The following COL5A2 variants were observed in gnomAD, a reference collection of about 807,000 sequenced individuals.
The protein encoded by COL5A2 is collagen type V alpha 2 chain, also known as collagen alpha-2(V) chain.
A neutral mutation model predicts 208.2 loss-of-function variants in COL5A2; 23 were observed. The ratio of observed to expected loss-of-function variants is 0.11; its 90% CI spans 0.08 to 0.16. The LOEUF (loss-of-function observed/expected upper bound fraction) is 0.16, where lower values mean the gene tolerates loss of function less well. COL5A2 is among the 10% of genes least tolerant of loss of function. The pLI is 1.00. For synonymous variants in COL5A2, 625 were observed against 628.5 expected (o/e 0.99, Z 0.08); for missense variants, 1,590 against 1,956.4 (o/e 0.81, Z 3.53).
At chr2:189,137,194 T>C (rs1193663717) in intron 1 of COL5A2, among the ~76,000 whole-genome samples, 1 of 152,228 alleles carries the variant, frequency 6.6e-6, no homozygotes. Flanking sequence ...ATGTGATTTA[T>C]GGATCTTGAG....
the COL5A2 span, among the ~76,000 whole-genome samples, chr2:189,298,496 C>T: frequency 5.9e-5 from 9 of 152,212 alleles, no homozygotes; most frequent in South Asian, 8.3e-4. Context: ...GTAGGGTGGC[C>T]GAAGTCTGCT....
the COL5A2 span, among the ~76,000 whole-genome samples, chr2:189,231,503 G>C: frequency 2.0e-5 from 3 of 151,418 alleles, no homozygotes; most frequent in Non-Finnish European, 4.4e-5. Context: ...TTTTACACTG[G>C]GGAAAAAAAT....
At chr2:189,376,653 A>T in the COL5A2 span, among the ~76,000 whole-genome samples, 2 of 152,200 alleles carry the variant, frequency 1.3e-5, no homozygotes, top group Non-Finnish European at 2.9e-5. Flanking sequence ...AGGTTTGTAC[A>T]ATTTTGAATT....
At chr2:189,311,229 G>C in the COL5A2 span, 1 of 1,390,882 alleles carries the variant, frequency 7.2e-7, no homozygotes, top group Admixed American at 1.7e-5. Context: ...TTGGCCTCCT[G>C]CTCCCCAAAG....
the COL5A2 span, among the ~76,000 whole-genome samples, chr2:189,414,051 C>T: frequency 4.6e-5 from 7 of 152,232 alleles, no homozygotes; most frequent in South Asian, 1.5e-3. Flanking sequence ...CTCCACCACC[C>T]AAACTGCTGG....
At chr2:189,175,275 A>G (rs1282640550) in intron 1 of COL5A2, among the ~76,000 whole-genome samples, 1 of 152,076 alleles carries the variant, frequency 6.6e-6, no homozygotes, top group Non-Finnish European at 1.5e-5. Context: ...TGTTATGAAG[A>G]CTTTAAAGTC....
chr2:189,283,882 A>G, the COL5A2 span, among the ~76,000 whole-genome samples: 1 of 152,178 alleles, frequency 6.6e-6, no homozygotes. Context: ...TTCAAAAAAT[A>G]CCACATGAAT....
intron 50 of COL5A2, among the ~76,000 whole-genome samples, chr2:189,040,063 A>C (rs968744342): frequency 1.3e-5 from 2 of 152,218 alleles, no homozygotes; most frequent in Non-Finnish European, 2.9e-5. Flanking sequence ...TCCTACTTCT[A>C]AAAGAGAGGG....
At chr2:189,194,445 C>T (rs1688970359) in intron 1 of COL5A2, among the ~76,000 whole-genome samples, 1 of 152,194 alleles carries the variant, frequency 6.6e-6, no homozygotes, top group African/African-American at 2.4e-5. Context: ...ATACATTTTA[C>T]ATGTGATCTC....
At chr2:189,140,401 A>T (rs1210912857) in intron 1 of COL5A2, among the ~76,000 whole-genome samples, 4 of 152,184 alleles carry the variant, frequency 2.6e-5, no homozygotes, top group Admixed American at 6.5e-5. Flanking sequence ...ACTCTTCTGA[A>T]TATTAATACA....
chr2:189,200,070 C>T (rs1689052120), intron 1 of COL5A2, among the ~76,000 whole-genome samples: 1 of 152,182 alleles, frequency 6.6e-6, no homozygotes, highest in Non-Finnish European at 1.5e-5. Flanking sequence ...CTTTTTCCTA[C>T]AGTTACATCT....
At chr2:189,054,323 C>T in intron 35 of COL5A2, 111 bp from the exon 36 acceptor site, 2 of 794,978 alleles carry the variant, frequency 2.5e-6, no homozygotes, top group South Asian at 3.0e-5. Context: ...AATTTGGCTG[C>T]CTTTGCAAAT....
At chr2:189,110,899 A>G (rs981683983) in intron 1 of COL5A2, among the ~76,000 whole-genome samples, 2 of 152,300 alleles carry the variant, frequency 1.3e-5, no homozygotes, top group African/African-American at 4.8e-5. Flanking sequence ...ACAACAGGAG[A>G]CAGTATGTTT....
At chr2:189,188,835 G>A (rs983926018) in intron 1 of COL5A2, among the ~76,000 whole-genome samples, 6 of 152,182 alleles carry the variant, frequency 3.9e-5, no homozygotes, top group Admixed American at 2.6e-4. Flanking sequence ...TCTGGGAAAC[G>A]TGTCTTTTCT....
the COL5A2 span, among the ~76,000 whole-genome samples, chr2:189,248,475 AAG>A: frequency 1.3e-5 from 2 of 152,208 alleles, no homozygotes; most frequent in Admixed American, 1.3e-4. Flanking sequence ...AAATGAAACA[AAG>A]AAGTATTATC....
chr2:189,181,111 G>A (rs766305004), upstream of COL5A2, among the ~76,000 whole-genome samples: 3 of 152,078 alleles, frequency 2.0e-5, no homozygotes, highest in Non-Finnish European at 4.4e-5. Flanking sequence ...AATATGTGAG[G>A]GATGCATTAA....
chr2:189,357,948 C>A, the COL5A2 span, among the ~76,000 whole-genome samples: 1 of 151,996 alleles, frequency 6.6e-6, no homozygotes, highest in African/African-American at 2.4e-5. Flanking sequence ...CATGGCACAG[C>A]CCCTCACGGC....
At chr2:189,377,192 A>G in the COL5A2 span, among the ~76,000 whole-genome samples, 1 of 152,170 alleles carries the variant, frequency 6.6e-6, no homozygotes, top group Admixed American at 6.5e-5. Flanking sequence ...GGCTTGTCAC[A>G]TTCCCAGACA....
chr2:189,211,044 T>C (rs1689206918), intron 1 of COL5A2, among the ~76,000 whole-genome samples: 1 of 152,196 alleles, frequency 6.6e-6, no homozygotes, highest in African/African-American at 2.4e-5. Flanking sequence ...AAAAGAAATC[T>C]ATTACTGCAG....
Sources: allele counts gnomAD v4.1 joint callset (sites outside exome capture counted in the v4.1 genomes callset), GRCh38; gene constraint gnomAD v4.1.1; transcripts MANE v1.5; gene names NCBI Gene and HGNC (gene_info 2026-07-23, HGNC 2026-07-21).